The following MPC1 variants were observed in gnomAD, a reference collection of about 807,000 sequenced individuals.
MPC1 encodes mitochondrial pyruvate carrier 1, also known as HSPC040 protein.
In MPC1, 6 loss-of-function variants were observed where a neutral mutation model predicts 13.9. That is an observed-to-expected ratio of 0.43 (90% confidence interval 0.24 to 0.85). The LOEUF (loss-of-function observed/expected upper bound fraction) is 0.85. MPC1 is among the 40% of genes least tolerant of loss of function. MPC1 has a pLI of 0.24. For synonymous variants in MPC1, 47 were observed against 50.5 expected, an observed-to-expected ratio of 0.93 and a Z score of 0.29; for missense variants, 115 against 143.3, an observed-to-expected ratio of 0.80 and a Z score of 1.01.
Position 166,382,935 on chromosome 6 carries a change from A to G in MPC1, c.-59T>C. On this transcript the variant is annotated 5_prime_UTR_variant, in exon 1 of 5. Transcript: ENST00000360961. ...GCCTCTGCTGCCGCTTCCCAGAGCC[A>G]ATGACACCCCGGCCAACCCCCCGGC... The G allele has an allele frequency of 1.3e-6, 2 of 1,537,446 alleles. No homozygotes were observed. The highest frequency in any genetic ancestry group is 2.8e-5 in the African/African-American group (2 of 70,218).
intron 1 of MPC1, among the ~76,000 whole-genome samples, chr6:166,374,503 C>T (rs1051376590): frequency 6.6e-6 from 1 of 152,078 alleles, no homozygotes; most frequent in Non-Finnish European, 1.5e-5. Flanking sequence ...ATCCCCAAAC[C>T]CAAGGTAATT....
chr6:166,374,977 G>C (rs1562460108), intron 1 of MPC1, among the ~76,000 whole-genome samples: 1 of 152,170 alleles, frequency 6.6e-6, no homozygotes, highest in Non-Finnish European at 1.5e-5. Flanking sequence ...GATATCCACA[G>C]AATAACGTGC....
chr6:166,372,102 A>G (rs1779402433), intron 1 of MPC1, among the ~76,000 whole-genome samples: 1 of 152,232 alleles, frequency 6.6e-6, no homozygotes, highest in African/African-American at 2.4e-5. Context: ...AGAGATTGAT[A>G]ACCTTACCAG....
At chr6:166,381,912 T>C (rs1779797372) in intron 1 of MPC1, 1 of 730,412 alleles carries the variant, frequency 1.4e-6, no homozygotes, top group Non-Finnish European at 1.7e-6. Flanking sequence ...GCACATTTTA[T>C]TTCCGCTGTC....
intron 2 of MPC1, 99 bp from the exon 3 acceptor site, chr6:166,366,990 C>T (rs528565212): frequency 1.5e-5 from 23 of 1,586,208 alleles, no homozygotes; most frequent in East Asian, 2.3e-5. Flanking sequence ...ACGTGAAACT[C>T]GTGAGAACAA....
At chr6:166,366,649 T>C in intron 3 of MPC1, 146 bp downstream of exon 3, 1 of 726,712 alleles carries the variant, frequency 1.4e-6, no homozygotes, top group Non-Finnish European at 2.3e-6. Flanking sequence ...CTTACTGACA[T>C]AGAGAAGTAA....
At chr6:166,370,265 G>GA (rs758414322) in intron 1 of MPC1, 44 bp from the exon 2 acceptor site, 8 of 716,404 alleles carry the variant, frequency 1.1e-5, no homozygotes, top group Admixed American at 4.2e-5. Flanking sequence ...GACAGACATG[G>GA]AAAAAAAAGA....
chr6:166,382,823 G>C lies in MPC1; in HGVS notation c.54C>G (p.Phe18Leu). 6.3e-7 allele frequency: 1 copy of C among 1,597,240 alleles called. No homozygotes were observed. Among genetic ancestry groups the C allele is most frequent in the South Asian group, 1.1e-5 (1 of 88,650 alleles). Residue 18 changes from phenylalanine (F) to leucine (L), a missense_variant, in exon 1 of 5, where the codon TTC (phenylalanine) becomes TTG (leucine). Physicochemically the swap from Phe to Leu is conservative, Grantham distance 22. Around this residue, in one of 3 missense-constraint regions of MPC1, gnomAD observed 41 missense variants for 34.2 expected, o/e 1.20. Coordinates refer to ENST00000360961, the MANE Select transcript of MPC1 (RefSeq NM_016098.4). The stretch of plus-strand genomic sequence containing the variant: ...CTCGTCACCTCATGAGGTAGTCCCG[G>C]AAATCCTTGCTTCGGACATAGTCCG... Reference protein sequence around the residue: ...KAADYVRSKDFRDYLMSTHFW... With the variant: ...KAADYVRSKDLRDYLMSTHFW...
At chr6:166,366,186 C>A in intron 3 of MPC1, 80 bp from the exon 4 acceptor site, 1 of 1,454,126 alleles carries the variant, frequency 6.9e-7, no homozygotes, top group South Asian at 1.4e-5. Context: ...ATGAACAGTT[C>A]CATTGCCCTG....
intron 1 of MPC1, among the ~76,000 whole-genome samples, chr6:166,375,049 T>C (rs1444192735): frequency 6.6e-6 from 1 of 152,194 alleles, no homozygotes; most frequent in African/African-American, 2.4e-5. Flanking sequence ...CTTTGGCATA[T>C]TCAAAGTACC....
chr6:166,368,225 A>T (rs1332798305), intron 2 of MPC1, among the ~76,000 whole-genome samples: 2 of 152,196 alleles, frequency 1.3e-5, no homozygotes, highest in Non-Finnish European at 2.9e-5. Context: ...GTGGCTCTCA[A>T]ATTGGACAGC....
At chr6:166,371,221 A>G (rs1041351402) in intron 1 of MPC1, among the ~76,000 whole-genome samples, 2 of 152,234 alleles carry the variant, frequency 1.3e-5, no homozygotes, top group African/African-American at 2.4e-5. Context: ...CAGAATGTGA[A>G]CCCCTGGAGG....
At chr6:166,368,598 A>G (rs561374180) in intron 2 of MPC1, 1 of 198,382 alleles carries the variant, frequency 5.0e-6, no homozygotes, top group Admixed American at 6.5e-5. Context: ...GTTGGAGAGA[A>G]GTACACTCCT....
intron 2 of MPC1, 124 bp downstream of exon 2, chr6:166,370,094 C>T (rs1779318804): frequency 1.3e-6 from 1 of 757,902 alleles, no homozygotes; most frequent in African/African-American, 1.7e-5. Flanking sequence ...GCACCCTTCA[C>T]AACCTGCCAG....
chr6:166,378,171 T>C (rs1779637130), intron 1 of MPC1, among the ~76,000 whole-genome samples: 1 of 152,196 alleles, frequency 6.6e-6, no homozygotes, highest in African/African-American at 2.4e-5. Flanking sequence ...ATTCCACAAG[T>C]TTGGGAAAGA....
rs962465434 is a variant in MPC1 at position 166,365,576 on chromosome 6, A to G, written c.306-123T>C. The G allele has an allele frequency of 1.3e-6, 1 of 783,070 alleles. No individual in the cohort carries two copies. Among genetic ancestry groups the G allele is most frequent in the Non-Finnish European group, 1.9e-6 (1 of 523,046 alleles). 48.5% of individuals were successfully genotyped at this position (783,070 alleles called of 1,614,324 possible). On this transcript the variant is annotated intron_variant, in intron 4 of 4. Transcript: ENST00000360961. This position sits in a 1 kb window ranked among gnomAD's most constrained non-coding sequence, Gnocchi z 4.2. ...TTTATTTCAACTTACAACTTATAAA[A>G]ACAATAATATAGGTTGGGTATCCCT...
At chr6:166,377,219 C>G (rs1188456977) in intron 1 of MPC1, among the ~76,000 whole-genome samples, 3 of 151,088 alleles carry the variant, frequency 2.0e-5, no homozygotes, top group Admixed American at 2.0e-4. Context: ...CATGCCGGCA[C>G]CCAGGCCACC....
intron 1 of MPC1, among the ~76,000 whole-genome samples, chr6:166,376,522 C>A (rs770511554): frequency 6.6e-6 from 1 of 152,192 alleles, no homozygotes; most frequent in Admixed American, 6.5e-5. Context: ...CCCACTTACA[C>A]GGGTGAGGGC....
intron 1 of MPC1, among the ~76,000 whole-genome samples, chr6:166,375,316 C>T (rs939254596): frequency 6.6e-6 from 1 of 152,174 alleles, no homozygotes; most frequent in African/African-American, 2.4e-5. Flanking sequence ...ATTGGTTGTT[C>T]CTGAAACTTT....
Sources: allele counts gnomAD v4.1 joint callset (sites outside exome capture counted in the v4.1 genomes callset), GRCh38; gene constraint gnomAD v4.1.1; regional missense constraint gnomAD v4.1.1; non-coding constraint Gnocchi (gnomAD v3.1); transcripts MANE v1.5; gene names NCBI Gene and HGNC (gene_info 2026-07-23, HGNC 2026-07-21).